HCLS1: variants seen among roughly 807,000 people sequenced by gnomAD.
HCLS1 encodes the protein hematopoietic lineage cell-specific protein.
Under a neutral mutation model 68.6 loss-of-function variants are expected in HCLS1, and 44 were observed. The ratio of observed to expected loss-of-function variants is 0.64; its 90% confidence interval spans 0.50 to 0.82. The LOEUF is 0.82. HCLS1 is among the 40% of genes least tolerant of loss of function. The pLI is 0.00. For synonymous variants in HCLS1, 217 were observed against 225.8 expected, an observed-to-expected ratio of 0.96 and a Z score of 0.35; for missense variants, 602 against 612.1, an observed-to-expected ratio of 0.98 and a Z score of 0.17.
chr3:121,646,809 T>C (rs1212494796), intron 4 of HCLS1, among the ~76,000 whole-genome samples: 1 of 139,964 alleles, frequency 7.1e-6, no homozygotes, highest in African/African-American at 2.6e-5. Context: ...CCAATTATTT[T>C]ATAGCCAATT....
intron 3 of HCLS1, among the ~76,000 whole-genome samples, chr3:121,649,931 T>C (rs1937706763): frequency 1.3e-5 from 2 of 152,202 alleles, no homozygotes; most frequent in Non-Finnish European, 1.5e-5. Flanking sequence ...TGATCATGTA[T>C]GTAGAAAATC....
Position 121,636,414 on chromosome 3 carries a change from T to C in HCLS1, c.621+20A>G, listed in dbSNP as rs559702325. On this transcript the variant is annotated intron_variant, in intron 8 of 13. Coordinates refer to ENST00000314583, the MANE Select transcript of HCLS1 (RefSeq NM_005335.6). ...AACTTAGGGAACTCTTCTTAAGACA[T>C]TGGTGTTCCGGTGCTTTACCTTATC... 1.3e-6 allele frequency: 2 copies of C among 1,594,106 alleles called. No homozygotes were observed. The highest frequency in any genetic ancestry group is 1.3e-5 in the African/African-American group (1 of 74,704).
chr3:121,657,837 C>A lies in HCLS1; in HGVS notation c.84+427G>T, dbSNP rs537467847. 12 of 185,710 alleles carry A rather than the reference C, an allele frequency of 6.5e-5. No individual in the cohort carries two copies. In the East Asian group the frequency reaches 1.4e-3, roughly 21 times the overall value. 11.5% of individuals were successfully genotyped at this position (185,710 alleles called of 1,614,324 possible). A position where few individuals can be genotyped will look rare whatever the true frequency, so the allele number is the denominator to read the frequency against. On this transcript the variant is annotated intron_variant, in intron 2 of 13. Transcript: ENST00000314583. ...GTGAGACTCTGTCTCAAAAAACAAACAAGAAAACACAAAGAATTAAACTAG... is the reference window on the plus strand; with the variant it reads ...GTGAGACTCTGTCTCAAAAAACAAAAAAGAAAACACAAAGAATTAAACTAG...
Position 121,650,736 on chromosome 3 carries a change from G to T in HCLS1, c.159-3288C>A, listed in dbSNP as rs1256288539. Among the ~76,000 whole-genome samples, 3 of 152,138 alleles carry T rather than the reference G, an allele frequency of 2.0e-5. No individual in the cohort carries two copies. The East Asian group carries it at 5.8e-4, about 29-fold the overall frequency. The stretch of plus-strand genomic sequence containing the variant: ...AGAAAGTCTTCACAACTTTGGGGTA[G>T]GTAAATATTTCTTAGACACATAAAG... On this transcript the variant is annotated intron_variant, in intron 3 of 13. Transcript: ENST00000314583.
rs778248397 is a variant in HCLS1 at position 121,632,142 on chromosome 3, G to A, written c.1283C>T (p.Ala428Val). The A allele has an allele frequency of 7.4e-6, 12 of 1,613,418 alleles. No individual in the cohort carries two copies. In the East Asian group the frequency reaches 2.5e-4, roughly 33 times the overall value. The part of the protein sequence containing the change: ...CPAGAGAGAV[A>V]LGISAVAVYD... ...TACAGCCACAGCTGAGATCCCCAGA[G>A]CCACAGCCCCAGCCCCAGCCCCAGC... Residue 428 changes from alanine (A) to valine (V), a missense_variant, in exon 13 of 14, where the codon GCT becomes GTT. Ala to Val is a moderately conservative substitution (Grantham distance 64, BLOSUM62 0). Transcript: ENST00000314583.
chr3:121,634,216 G>A lies in HCLS1; in HGVS notation c.894C>T (p.Ile298=). ...PAVPAPLPKK[I]SSEAWPPVGT... ...AGGGCCAGGCGCTCACCTCTGAGGA[G>A]ATTTTCTTGGGCAGTGGGGCCGGTA... The change falls in exon 10 of 14, where the codon ATC becomes ATT. Residue 298 remains isoleucine (I), a synonymous_variant. Transcript: ENST00000314583. 1 of 1,614,190 alleles carries A rather than the reference G, an allele frequency of 6.2e-7. No individual in the cohort carries two copies. Among genetic ancestry groups the A allele is most frequent in the Non-Finnish European group, 8.5e-7 (1 of 1,180,042 alleles).
chr3:121,647,213 C>A, intron 4 of HCLS1, 106 bp downstream of exon 4: 1 of 1,112,776 alleles, frequency 9.0e-7, no homozygotes, highest in Non-Finnish European at 1.3e-6. Context: ...GATCTCCTAA[C>A]CTCATGATCC....
chr3:121,632,592 ACTTCC>A (rs1216953956), intron 11 of HCLS1, 29 bp from the exon 12 acceptor site: 4 of 1,584,436 alleles, frequency 2.5e-6, no homozygotes, highest in Middle Eastern at 3.4e-4. Flanking sequence ...GAGCACTGTG[ACTTCC>A]ACTTTCCAGG....
chr3:121,647,367 G>C lies in HCLS1; in HGVS notation c.240C>G (p.Ser80=). Residue 80 remains serine, a synonymous_variant, in exon 4 of 14, where the codon TCC becomes TCG. Transcript: ENST00000314583. The part of the protein sequence containing the change: ...KKEMESGPKA[S]HGYGGRFGVE... ...CTCCAAACCGACCTCCATAGCCATGGGATGCTTTGGGCCCTGACTCCATCT... is the reference window on the plus strand; with the variant it reads ...CTCCAAACCGACCTCCATAGCCATGCGATGCTTTGGGCCCTGACTCCATCT... 1 of 1,613,778 alleles carries C rather than the reference G, an allele frequency of 6.2e-7. No individual in the cohort carries two copies. Among genetic ancestry groups the C allele is most frequent in the Non-Finnish European group, 8.5e-7 (1 of 1,179,778 alleles).
chr3:121,636,851 T>A (rs569584317), intron 7 of HCLS1, among the ~76,000 whole-genome samples: 1 of 152,146 alleles, frequency 6.6e-6, no homozygotes, highest in African/African-American at 2.4e-5. Context: ...CTAAGACTCA[T>A]GGCAAACCAT....
rs148997047 is a variant in HCLS1, at chr3:121,644,917, G to A, written c.300C>T (p.Gly100=). Residue 100 remains glycine, a synonymous_variant, in exon 5 of 14, where the codon GGC becomes GGT. Coordinates refer to ENST00000314583, the MANE Select transcript of HCLS1 (RefSeq NM_005335.6). ...TCTCCACCTCGGCAACATACTCATGGCCCACTGCACTCTGAGAAAAATCAA... is the reference window on the plus strand; with the variant it reads ...TCTCCACCTCGGCAACATACTCATGACCCACTGCACTCTGAGAAAAATCAA... ...ERDRMDKSAV[G]HEYVAEVEKH... 4.3e-6 allele frequency: 7 copies of A among 1,612,864 alleles called. No individual in the cohort carries two copies. The East Asian group carries it at 8.9e-5, about 21-fold the overall frequency.
chr3:121,643,085 G>A (rs1294212976), intron 5 of HCLS1, 104 bp from the exon 6 acceptor site: 2 of 851,074 alleles, frequency 2.3e-6, no homozygotes, highest in African/African-American at 1.7e-5. Context: ...GTTTGTAGGG[G>A]CTTCAGGCTG....
chr3:121,646,079 T>C (rs2049244275), intron 4 of HCLS1, among the ~76,000 whole-genome samples: 1 of 123,244 alleles, frequency 8.1e-6, no homozygotes, highest in Non-Finnish European at 1.6e-5. Flanking sequence ...ATACTTGTAT[T>C]AATATATAAT....
intron 4 of HCLS1, among the ~76,000 whole-genome samples, chr3:121,646,383 A>AATATATTACTATGTAAT (rs1937605303): frequency 2.1e-5 from 1 of 47,668 alleles, no homozygotes; most frequent in Non-Finnish European, 3.9e-5. Context: ...ATTACTATGT[A>AATATATTACTATGTAAT]ATATATTACT....
intron 5 of HCLS1, chr3:121,643,249 G>A (rs2049217548): frequency 3.4e-6 from 1 of 297,150 alleles, no homozygotes; most frequent in Non-Finnish European, 6.5e-6. Flanking sequence ...ATATTACTAA[G>A]CCCCAGTCTC....
chr3:121,640,665 C>T (rs556734389), intron 6 of HCLS1, among the ~76,000 whole-genome samples: 8 of 151,550 alleles, frequency 5.3e-5, no homozygotes, highest in Non-Finnish European at 8.8e-5. Flanking sequence ...TGGCTCATGC[C>T]TGTAATCCCA....
intron 6 of HCLS1, among the ~76,000 whole-genome samples, chr3:121,638,816 C>T (rs1342071398): frequency 6.6e-6 from 1 of 152,092 alleles, no homozygotes; most frequent in Non-Finnish European, 1.5e-5. Context: ...AAGAACAATA[C>T]CTTACATCAG....
chr3:121,642,190 T>G (rs2049207755), intron 6 of HCLS1, among the ~76,000 whole-genome samples: 1 of 147,866 alleles, frequency 6.8e-6, no homozygotes, highest in Non-Finnish European at 1.5e-5. Flanking sequence ...CCGGGCACGG[T>G]GGCTCACACC....
intron 5 of HCLS1, chr3:121,643,230 C>T (rs573957827): frequency 5.7e-5 from 20 of 349,494 alleles, no homozygotes; most frequent in South Asian, 3.4e-4. Flanking sequence ...AGTTTAAGCA[C>T]GTTCCTTTAT....
Sources: gnomAD v4.1 joint callset for allele counts (sites outside exome capture counted in the v4.1 genomes callset) on GRCh38, gnomAD v4.1.1 for gene constraint, MANE v1.5 for transcripts, NCBI Gene and HGNC (gene_info 2026-07-23, HGNC 2026-07-21) for gene names.